SPICE1: variants seen among roughly 807,000 people sequenced by gnomAD.
The protein encoded by SPICE1 is spindle and centriole associated protein 1, also known as spindle and centriole-associated protein 1.
SPICE1 carries 75 observed loss-of-function variants against 102.7 expected under a neutral mutation model. That is an observed-to-expected ratio of 0.73 (90% CI 0.61 to 0.88). SPICE1 has a LOEUF of 0.88. Among genes scored for constraint, SPICE1 ranks in the 40% least tolerant of loss-of-function variants. The probability of loss-of-function intolerance (pLI) is 0.00; values close to 1 mark genes in which losing one functional copy is unlikely to be tolerated. For missense variants in SPICE1, 979 were observed against 1,020.1 expected (o/e 0.96, Z 0.55); for synonymous variants, 308 against 350.3 (o/e 0.88, Z 1.35).
intron 6 of SPICE1, among the ~76,000 whole-genome samples, chr3:113,491,601 G>T (rs1207151403): frequency 2.1e-5 from 3 of 140,176 alleles, no homozygotes; most frequent in Non-Finnish European, 3.0e-5. Context: ...CTCCAGCCTG[G>T]GCGACAGAGC....
chr3:113,474,644 C>G (rs866730459), intron 7 of SPICE1, among the ~76,000 whole-genome samples: 2 of 152,152 alleles, frequency 1.3e-5, no homozygotes, highest in African/African-American at 4.8e-5. Context: ...TCACTCAAAA[C>G]CGCTCAACTA....
rs530371488 is a variant in SPICE1, at chr3:113,484,472, G to T, written c.611+4473C>A. ...TCTAGTTCTTTTAATTGTGATGTTA[G>T]GTGTCAATTTTAGATCTTTCCTGCT... On this transcript the variant is annotated intron_variant, in intron 7 of 17. Transcript: ENST00000295872. 2.6e-5 allele frequency among the ~76,000 whole-genome samples: 4 copies of T among 151,900 alleles called. No individual in the cohort carries two copies. The East Asian group carries it at 7.7e-4, about 29-fold the overall frequency.
intron 15 of SPICE1, 76 bp from the exon 16 acceptor site, chr3:113,448,216 C>A: frequency 1.6e-6 from 2 of 1,255,236 alleles, no homozygotes; most frequent in Admixed American, 2.3e-5. Flanking sequence ...TATCTTACTG[C>A]AAACTGCACA....
chr3:113,506,749 A>G (rs1292082984), intron 1 of SPICE1, 144 bp from the exon 2 acceptor site: 2 of 609,932 alleles, frequency 3.3e-6, no homozygotes, highest in Non-Finnish European at 5.7e-6. Context: ...ACAGCCTATC[A>G]AAATACTTAG....
chr3:113,475,967 T>G (rs1350458079), intron 7 of SPICE1, among the ~76,000 whole-genome samples: 1 of 152,132 alleles, frequency 6.6e-6, no homozygotes, highest in African/African-American at 2.4e-5. Context: ...ATAAAGGGTA[T>G]TCAATTAGGA....
intron 5 of SPICE1, 148 bp downstream of exon 5, chr3:113,493,901 C>T (rs1465786414): frequency 1.8e-6 from 1 of 559,730 alleles, no homozygotes; most frequent in African/African-American, 1.9e-5. Context: ...ATTATAATGA[C>T]TCTAACCCTA....
chr3:113,472,998 A>C (rs980214547), intron 7 of SPICE1, among the ~76,000 whole-genome samples: 18 of 152,212 alleles, frequency 1.2e-4, no homozygotes, highest in Non-Finnish European at 2.2e-4. Flanking sequence ...GAGCTACAGG[A>C]GGAAATTCAA....
chr3:113,491,347 G>A (rs572722828), intron 6 of SPICE1, among the ~76,000 whole-genome samples: 10 of 151,960 alleles, frequency 6.6e-5, no homozygotes, highest in African/African-American at 1.2e-4. Flanking sequence ...CAGGCCGGGC[G>A]TGGTGGCTCA....
intron 1 of SPICE1, among the ~76,000 whole-genome samples, chr3:113,508,549 C>T (rs561410167): frequency 6.6e-6 from 1 of 152,120 alleles, no homozygotes; most frequent in Non-Finnish European, 1.5e-5. Context: ...TAGGGAAATG[C>T]CAATCAAGAT....
chr3:113,484,856 G>C (rs868668279), intron 7 of SPICE1, among the ~76,000 whole-genome samples: 2 of 152,158 alleles, frequency 1.3e-5, no homozygotes, highest in African/African-American at 4.8e-5. Context: ...TTGGGGTGGA[G>C]AGTTCTGTAG....
chr3:113,508,348 G>A (rs1168651755), intron 1 of SPICE1, among the ~76,000 whole-genome samples: 1 of 152,098 alleles, frequency 6.6e-6, no homozygotes, highest in Non-Finnish European at 1.5e-5. Flanking sequence ...CCAATAGAAT[G>A]GGAGAAAGTA....
At chr3:113,460,948 C>G (rs59271111) in intron 11 of SPICE1, among the ~76,000 whole-genome samples, 184 bp from the exon 12 acceptor site, 6,516 of 151,976 alleles carry the variant, frequency 0.043, 167 homozygotes, top group East Asian at 0.1. Context: ...TAAAGCAATG[C>G]TATTTATAAT....
At chr3:113,482,337 A>T (rs951732429) in intron 7 of SPICE1, among the ~76,000 whole-genome samples, 4 of 151,996 alleles carry the variant, frequency 2.6e-5, no homozygotes, top group African/African-American at 9.7e-5. Context: ...GATTGCAAAA[A>T]TTTTCTCCCA....
chr3:113,454,839 G>T (rs79817319), intron 13 of SPICE1, among the ~76,000 whole-genome samples: 8,181 of 152,214 alleles, frequency 0.054, 262 homozygotes, highest in East Asian at 0.1. Context: ...AGGGTTCTCA[G>T]GCATGTATGA....
At chr3:113,500,067 T>C (rs1351653071) in intron 3 of SPICE1, among the ~76,000 whole-genome samples, 1 of 151,852 alleles carries the variant, frequency 6.6e-6, no homozygotes. Flanking sequence ...GAAATAATAA[T>C]GTAGTGTTTA....
At chr3:113,499,372 G>T in intron 4 of SPICE1, 67 bp downstream of exon 4, 5 of 1,506,350 alleles carry the variant, frequency 3.3e-6, no homozygotes, top group Non-Finnish European at 3.6e-6. Context: ...GAATCAAATT[G>T]AAGAAAAACA....
At position 113,488,845 on chromosome 3, in the gene SPICE1, A is replaced by T. The variant is rs1024922973; in HGVS notation, c.611+100T>A. Reference sequence around the variant, plus strand: ...CAAAATAAACAAATTTTTAAATAAAAATAAACTCCCATTTAATAAAAAATG... The same window carrying T: ...CAAAATAAACAAATTTTTAAATAAATATAAACTCCCATTTAATAAAAAATG... On this transcript the variant is annotated intron_variant, in intron 7 of 17. Coordinates refer to ENST00000295872, the MANE Select transcript of SPICE1 (RefSeq NM_144718.4). 1.5e-5 allele frequency: 10 copies of T among 685,724 alleles called. No homozygotes were observed. The Admixed American group carries it at 2.5e-4, about 17-fold the overall frequency. The allele number at this position is 685,724 out of a possible 1,614,324, so 42.5% of individuals were successfully genotyped here. A position where few individuals can be genotyped will look rare whatever the true frequency, so the allele number is the denominator to read the frequency against.
At chr3:113,463,437 A>G (rs1347379266) in intron 11 of SPICE1, among the ~76,000 whole-genome samples, 2 of 152,226 alleles carry the variant, frequency 1.3e-5, no homozygotes, top group African/African-American at 4.8e-5. Context: ...GGAGAATTAA[A>G]CATATGTTCT....
chr3:113,501,244 AC>A (rs1321221562), intron 3 of SPICE1, among the ~76,000 whole-genome samples: 1 of 152,154 alleles, frequency 6.6e-6, no homozygotes, highest in Non-Finnish European at 1.5e-5. Flanking sequence ...CCCACCACAC[AC>A]CATACAGAAA....
Sources: gnomAD v4.1 joint callset for allele counts (sites outside exome capture counted in the v4.1 genomes callset) on GRCh38, gnomAD v4.1.1 for gene constraint, MANE v1.5 for transcripts, NCBI Gene and HGNC (gene_info 2026-07-23, HGNC 2026-07-21) for gene names.